The following PAPPA2 variants were observed in gnomAD, a reference collection of about 807,000 sequenced individuals.
The protein encoded by PAPPA2 is pappalysin 2, also known as pappalysin-2.
PAPPA2 carries 86 observed loss-of-function variants against 176.4 expected under a neutral mutation model. That is an observed-to-expected ratio of 0.49 (90% CI 0.41 to 0.58). PAPPA2 has a LOEUF of 0.58. PAPPA2 is among the 20% of genes least tolerant of loss of function. The pLI, the probability that PAPPA2 is intolerant of heterozygous loss-of-function variation, is 0.00. For synonymous variants in PAPPA2, 809 were observed against 852.2 expected (o/e 0.95, Z 0.88); for missense variants, 2,073 against 2,256.9 (o/e 0.92, Z 1.65).
At position 176,842,710 on chromosome 1, in the gene PAPPA2, T is replaced by G; in HGVS notation, c.*256T>G. 1.1e-5 allele frequency: 5 copies of G among 475,952 alleles called. No homozygotes were observed. The highest frequency in any genetic ancestry group is 1.1e-5 in the Non-Finnish European group (3 of 262,876). The allele number at this position is 475,952 out of a possible 1,614,324, so 29.5% of individuals were successfully genotyped here. On this transcript the variant is annotated 3_prime_UTR_variant, in exon 23 of 23. Coordinates refer to ENST00000367662, the MANE Select transcript of PAPPA2 (RefSeq NM_020318.3). ...GATTAACATGGAAGGGGAAATATGA[T>G]AGATATATAAGGACCCTCCTCCCTC...
intron 3 of PAPPA2, among the ~76,000 whole-genome samples, chr1:176,620,147 G>T (rs1655504104): frequency 6.6e-6 from 1 of 152,174 alleles, no homozygotes; most frequent in Non-Finnish European, 1.5e-5. Context: ...CTCACATGGT[G>T]GAATGGTGTG....
intron 1 of PAPPA2, among the ~76,000 whole-genome samples, chr1:176,534,556 CAGAT>C (rs1159713434): frequency 1.3e-5 from 2 of 152,172 alleles, no homozygotes; most frequent in Non-Finnish European, 2.9e-5. Context: ...TATTTGATAA[CAGAT>C]AGAATAGGCT....
chr1:176,790,006 A>G (rs781067786), intron 18 of PAPPA2, 29 bp downstream of exon 18: 13 of 1,610,114 alleles, frequency 8.1e-6, no homozygotes, highest in Admixed American at 1.7e-5. Context: ...ACTTATTTTC[A>G]TCAGGCTGTG....
At chr1:176,534,507 A>G (rs890291464) in intron 1 of PAPPA2, among the ~76,000 whole-genome samples, 3 of 152,234 alleles carry the variant, frequency 2.0e-5, no homozygotes, top group African/African-American at 7.2e-5. Context: ...CTGCCTTTAG[A>G]TAAGAAAGAG....
chr1:176,506,599 A>C (rs1325255632), intron 1 of PAPPA2, among the ~76,000 whole-genome samples: 2 of 151,562 alleles, frequency 1.3e-5, no homozygotes, highest in Non-Finnish European at 2.9e-5. Flanking sequence ...TAGGTATTTT[A>C]TTTTCTTTGT....
At chr1:176,833,332 C>A (rs770786927) in intron 21 of PAPPA2, among the ~76,000 whole-genome samples, 11 of 152,210 alleles carry the variant, frequency 7.2e-5, no homozygotes, top group Non-Finnish European at 1.3e-4. Context: ...ACCTGCGGAG[C>A]ATCATAATGT....
intron 3 of PAPPA2, among the ~76,000 whole-genome samples, chr1:176,595,854 C>T (rs768650772): frequency 2.6e-5 from 4 of 152,096 alleles, no homozygotes; most frequent in Non-Finnish European, 5.9e-5. Flanking sequence ...GTGAAGCGCA[C>T]CCAAAAGCAT....
chr1:176,760,048 G>C (rs1306052677), intron 14 of PAPPA2, among the ~76,000 whole-genome samples: 6 of 152,162 alleles, frequency 3.9e-5, no homozygotes, highest in South Asian at 2.1e-4. Context: ...TCCATGTTTT[G>C]AGATTTCTAT....
At chr1:176,812,940 C>A (rs1666220706) in intron 21 of PAPPA2, among the ~76,000 whole-genome samples, 1 of 152,128 alleles carries the variant, frequency 6.6e-6, no homozygotes, top group Non-Finnish European at 1.5e-5. Context: ...CTCCCTCCCC[C>A]AACCAACCTG....
At chr1:176,678,785 A>G (rs1659435766) in intron 4 of PAPPA2, among the ~76,000 whole-genome samples, 1 of 152,142 alleles carries the variant, frequency 6.6e-6, no homozygotes, top group Non-Finnish European at 1.5e-5. Flanking sequence ...AGATGCAATA[A>G]TAAAAACACT....
At position 176,610,787 on chromosome 1, in the gene PAPPA2, A is replaced by G. The variant is rs144005154; in HGVS notation, c.1991+15192A>G. On this transcript the variant is annotated intron_variant, in intron 3 of 22. Transcript: ENST00000367662. ...AAGCCAATAGAAAAGAATTTTAAAAAGAGTCACAATGGCCTTTTTTGCATC... is the reference window on the plus strand; with the variant it reads ...AAGCCAATAGAAAAGAATTTTAAAAGGAGTCACAATGGCCTTTTTTGCATC... 1.4e-3 allele frequency among the ~76,000 whole-genome samples: 209 copies of G among 152,360 alleles called. 1 individual carries two copies. The highest frequency in any genetic ancestry group is 4.8e-3 in the African/African-American group (201 of 41,588).
chr1:176,644,439 A>C (rs574998612), intron 3 of PAPPA2, among the ~76,000 whole-genome samples: 6 of 151,902 alleles, frequency 3.9e-5, no homozygotes, highest in Admixed American at 1.3e-4. Flanking sequence ...CATCCCTTAC[A>C]CTTAATTATT....
chr1:176,591,874 T>C (rs984072283), intron 2 of PAPPA2, among the ~76,000 whole-genome samples: 2 of 152,246 alleles, frequency 1.3e-5, no homozygotes, highest in Non-Finnish European at 2.9e-5. Flanking sequence ...TTTTCATGTC[T>C]GATTTAACTT....
In PAPPA2 at chr1:176,699,527, T is replaced by C; in HGVS notation, c.3174T>C (p.Asp1058=). 1 of 1,613,408 alleles carries C rather than the reference T, an allele frequency of 6.2e-7. No homozygotes were observed. The highest frequency in any genetic ancestry group is 8.5e-7 in the Non-Finnish European group (1 of 1,179,460). Residue 1058 remains aspartate (D), a synonymous_variant, in exon 8 of 23, where the codon GAT becomes GAC. Coordinates refer to ENST00000367662, the MANE Select transcript of PAPPA2 (RefSeq NM_020318.3). The stretch of plus-strand genomic sequence containing the variant: ...CTGTGAGGTACCAGGTTCTCCGCGA[T>C]CCCCCATTTGCCAGTGGTTTGCCCG... ...CRPVRYQVLR[D]PPFASGLPVV... is the part of the protein sequence containing the mutation.
intron 1 of PAPPA2, among the ~76,000 whole-genome samples, chr1:176,513,895 C>T (rs906367513): frequency 7.9e-5 from 12 of 152,026 alleles, no homozygotes; most frequent in African/African-American, 1.9e-4. Context: ...GCATGCTGTC[C>T]GAGGAGTCAT....
intron 2 of PAPPA2, 150 bp from the exon 3 acceptor site, chr1:176,594,374 A>T: frequency 1.5e-6 from 1 of 661,522 alleles, no homozygotes; most frequent in Non-Finnish European, 2.6e-6. Context: ...GGATATGAGC[A>T]GGCATCTCAG....
intron 1 of PAPPA2, among the ~76,000 whole-genome samples, chr1:176,519,334 G>A (rs1649089631): frequency 6.6e-6 from 1 of 152,154 alleles, no homozygotes; most frequent in Non-Finnish European, 1.5e-5. Flanking sequence ...TAGGGCTGCG[G>A]GAGACTCCTG....
chr1:176,519,872 A>T (rs1410866129), intron 1 of PAPPA2, among the ~76,000 whole-genome samples: 1 of 152,190 alleles, frequency 6.6e-6, no homozygotes, highest in South Asian at 2.1e-4. Flanking sequence ...AACCCTTGGC[A>T]TTGTTCCTTT....
At chr1:176,711,729 C>G in intron 11 of PAPPA2, 106 bp from the exon 12 acceptor site, 1 of 1,249,988 alleles carries the variant, frequency 8.0e-7, no homozygotes, top group South Asian at 1.4e-5. Flanking sequence ...GATCATTAGG[C>G]ATTCAGAAAG....
Sources: allele counts gnomAD v4.1 joint callset (sites outside exome capture counted in the v4.1 genomes callset), GRCh38; gene constraint gnomAD v4.1.1; transcripts MANE v1.5; gene names NCBI Gene and HGNC (gene_info 2026-07-23, HGNC 2026-07-21).